Variants in PTPRN2 observed in about 807,000 individuals in gnomAD.
The protein encoded by PTPRN2 is receptor-type tyrosine-protein phosphatase N2.
PTPRN2 carries 74 observed loss-of-function variants against 118.8 expected under a neutral mutation model. The ratio of observed to expected loss-of-function variants is 0.62; its 90% CI spans 0.52 to 0.76. The LOEUF is 0.76. Ranked by LOEUF, PTPRN2 falls within the 30% of genes least tolerant of loss-of-function variation. The pLI, the probability that PTPRN2 is intolerant of heterozygous loss-of-function variation, is 0.00. For missense variants in PTPRN2, 1,481 were observed against 1,394.4 expected (o/e 1.06, Z -0.99); for synonymous variants, 641 against 608.0 (o/e 1.05, Z -0.80).
At chr7:157,937,377 G>A (rs912584403) in intron 11 of PTPRN2, among the ~76,000 whole-genome samples, 9 of 152,244 alleles carry the variant, frequency 5.9e-5, no homozygotes, top group East Asian at 3.8e-4. Flanking sequence ...AACTGAGCAC[G>A]TGGGGACTGG....
At chr7:157,540,806 G>A (rs1357772105) in intron 22 of PTPRN2, 21 bp from the exon 23 acceptor site, 8 of 1,546,708 alleles carry the variant, frequency 5.2e-6, no homozygotes, top group Non-Finnish European at 7.0e-6. Flanking sequence ...AGAAACGAGA[G>A]AAGTGCCAAT....
intron 12 of PTPRN2, among the ~76,000 whole-genome samples, chr7:157,792,574 G>C (rs1207573959): frequency 2.0e-5 from 3 of 152,228 alleles, no homozygotes; most frequent in African/African-American, 7.2e-5. Context: ...GTCTTTGCCT[G>C]CTCCCCAGTG....
chr7:157,724,117 A>T (rs943909371), intron 12 of PTPRN2, among the ~76,000 whole-genome samples: 1 of 144,750 alleles, frequency 6.9e-6, no homozygotes, highest in Non-Finnish European at 1.5e-5. Flanking sequence ...GGCTTCCCCC[A>T]TCTGAATCGC....
chr7:158,207,069 T>C (rs917930122), intron 3 of PTPRN2, among the ~76,000 whole-genome samples: 3 of 148,558 alleles, frequency 2.0e-5, no homozygotes, highest in Non-Finnish European at 4.5e-5. Context: ...TTTGGTTTTT[T>C]GTTCTTGCGA....
intron 2 of PTPRN2, 58 bp downstream of exon 2, chr7:158,489,677 C>T: frequency 2.0e-6 from 3 of 1,510,742 alleles, no homozygotes; most frequent in Non-Finnish European, 8.9e-7. Context: ...CTGGGCGCTG[C>T]GCACGGCGGG....
At chr7:158,323,739 C>G (rs1803226156) in intron 2 of PTPRN2, among the ~76,000 whole-genome samples, 1 of 152,152 alleles carries the variant, frequency 6.6e-6, no homozygotes, top group African/African-American at 2.4e-5. Flanking sequence ...CCCCAAAACA[C>G]AAACACAGGC....
intron 11 of PTPRN2, among the ~76,000 whole-genome samples, chr7:157,909,511 G>C (rs2128759906): frequency 6.6e-6 from 1 of 152,378 alleles, no homozygotes; most frequent in South Asian, 2.1e-4. Context: ...TTCAGAACCT[G>C]GCCCTTGGCT....
rs79707592 is a variant in PTPRN2, at chr7:158,246,528, C to T, written c.278-41255G>A. 8.3e-3 allele frequency among the ~76,000 whole-genome samples: 1,261 copies of T among 151,156 alleles called. 44 individuals carry two copies. Among genetic ancestry groups the T allele is most frequent in the African/African-American group, 0.029 (1,201 of 41,086 alleles). Reference sequence around the variant, plus strand: ...ACGATAAGAAAATGTGAGCGTTTCACAAGTCACCGTGGGTGGTCATTGTCC... The same window carrying T: ...ACGATAAGAAAATGTGAGCGTTTCATAAGTCACCGTGGGTGGTCATTGTCC... On this transcript the variant is annotated intron_variant, in intron 3 of 22. Transcript: ENST00000389418.
At position 157,550,829 on chromosome 7, in the gene PTPRN2, G is replaced by T. The variant is rs75463181; in HGVS notation, c.2903-1810C>A. Among the ~76,000 whole-genome samples, 1 of 152,216 alleles carries T rather than the reference G, an allele frequency of 6.6e-6. No individual in the cohort carries two copies. The stretch of plus-strand genomic sequence containing the variant: ...GGGTGGAAGGCGGGGTCAGGTGCAC[G>T]GGTTTGCTTAATTGCTCCTTTTGGG... On this transcript the variant is annotated intron_variant, in intron 21 of 22. Transcript: ENST00000389418. The surrounding 1 kb of genome is among the most constrained non-coding windows in gnomAD (Gnocchi z 5.2).
chr7:157,565,515 G>A (rs539701874), intron 21 of PTPRN2, among the ~76,000 whole-genome samples: 7 of 152,208 alleles, frequency 4.6e-5, no homozygotes, highest in South Asian at 2.1e-4. Context: ...CGGCCCAGGC[G>A]CAGACCCTGG....
chr7:157,978,914 G>A (rs144985372), intron 11 of PTPRN2, among the ~76,000 whole-genome samples: 35 of 152,150 alleles, frequency 2.3e-4, no homozygotes, highest in Non-Finnish European at 3.5e-4. Flanking sequence ...CCTTCCTGGC[G>A]ACTCACAAGG....
At chr7:158,109,554 C>G (rs1043176662) in intron 10 of PTPRN2, among the ~76,000 whole-genome samples, 2 of 151,728 alleles carry the variant, frequency 1.3e-5, no homozygotes, top group African/African-American at 2.4e-5. Context: ...AATGACATCA[C>G]CCCTATGTGA....
chr7:158,040,504 A>G (rs1284901104), intron 11 of PTPRN2, among the ~76,000 whole-genome samples: 1 of 152,144 alleles, frequency 6.6e-6, no homozygotes, highest in African/African-American at 2.4e-5. Context: ...GGGGGGAAAA[A>G]CCTTACCTTA....
chr7:158,135,565 A>G (rs953990217), intron 8 of PTPRN2, among the ~76,000 whole-genome samples: 1 of 152,180 alleles, frequency 6.6e-6, no homozygotes, highest in African/African-American at 2.4e-5. Context: ...AATTCCACGC[A>G]TGGAGGATGA....
intron 22 of PTPRN2, among the ~76,000 whole-genome samples, chr7:157,547,552 G>A (rs1318386647): frequency 1.3e-5 from 2 of 152,014 alleles, no homozygotes; most frequent in South Asian, 2.1e-4. Flanking sequence ...CAGCTGTCCC[G>A]TGTCACCTCC....
rs376459091 is a variant in PTPRN2 at position 157,883,427 on chromosome 7, A to G, written c.1788+15246T>C. ...AAAAATGATTGTCGGAGATCAGAAC[A>G]CACCACCCCAAAAATGACTGTTGGA... On this transcript the variant is annotated intron_variant, in intron 12 of 22. Coordinates refer to ENST00000389418, the MANE Select transcript of PTPRN2 (RefSeq NM_002847.5). Among the ~76,000 whole-genome samples the G allele has an allele frequency of 1.5e-4, 23 of 151,410 alleles. No individual in the cohort carries two copies. The East Asian group carries it at 4.3e-3, about 28-fold the overall frequency.
intron 5 of PTPRN2, among the ~76,000 whole-genome samples, chr7:158,175,360 C>G (rs540629047): frequency 1.2e-3 from 176 of 152,248 alleles, no homozygotes; most frequent in African/African-American, 4.0e-3. Flanking sequence ...GGCTCCGGCT[C>G]GTGAATGTGG....
chr7:158,268,884 C>A (rs1172504974), intron 3 of PTPRN2, among the ~76,000 whole-genome samples: 1 of 148,606 alleles, frequency 6.7e-6, no homozygotes, highest in African/African-American at 2.5e-5. Flanking sequence ...AATATCCCAG[C>A]CGCACGCACA....
intron 5 of PTPRN2, among the ~76,000 whole-genome samples, chr7:158,179,809 C>T (rs1288100608): frequency 1.3e-5 from 2 of 152,250 alleles, no homozygotes; most frequent in East Asian, 3.8e-4. Context: ...TGTCAGTTTA[C>T]ACTTGCCATG....
Sources: gnomAD v4.1 joint callset for allele counts (sites outside exome capture counted in the v4.1 genomes callset) on GRCh38, gnomAD v4.1.1 for gene constraint, Gnocchi (gnomAD v3.1) non-coding constraint, MANE v1.5 for transcripts, NCBI Gene and HGNC (gene_info 2026-07-23, HGNC 2026-07-21) for gene names.